Variants in ALK observed in about 807,000 individuals in gnomAD.
The protein encoded by ALK is ALK receptor tyrosine kinase.
Under a neutral mutation model 163.1 loss-of-function variants are expected in ALK, and 74 were observed. The observed-to-expected ratio is 0.45, with a 90% CI of 0.38 to 0.55. ALK has a LOEUF of 0.55. ALK is among the 20% of genes least tolerant of loss of function. The probability of loss-of-function intolerance (pLI) is 0.00; values close to 1 mark genes in which losing one functional copy is unlikely to be tolerated. For missense variants in ALK, 2,063 were observed against 2,105.3 expected, an observed-to-expected ratio of 0.98 and a Z score of 0.39; for synonymous variants, 960 against 843.2, an observed-to-expected ratio of 1.14 and a Z score of -2.40.
At chr2:29,557,026 G>T (rs551442354) in intron 3 of ALK, among the ~76,000 whole-genome samples, 1 of 152,206 alleles carries the variant, frequency 6.6e-6, no homozygotes, top group African/African-American at 2.4e-5. Context: ...GTTTCTTAAA[G>T]AAAGTGGTCT....
Position 29,806,799 on chromosome 2 carries a change from T to G in ALK, c.668-89102A>C, listed in dbSNP as rs371925646. Among the ~76,000 whole-genome samples, 7 of 152,270 alleles carry G rather than the reference T, an allele frequency of 4.6e-5. No homozygotes were observed. The East Asian group carries it at 1.4e-3, about 29-fold the overall frequency. ...ATGTACAGGCACGCATGGGGGCCATTTCTGGGTGGCAAAGACACAAGAAGC... is the reference window on the plus strand; with the variant it reads ...ATGTACAGGCACGCATGGGGGCCATGTCTGGGTGGCAAAGACACAAGAAGC... On this transcript the variant is annotated intron_variant, in intron 1 of 28. Transcript: ENST00000389048.
intron 3 of ALK, among the ~76,000 whole-genome samples, chr2:29,562,130 G>C (rs1037910532): frequency 1.3e-5 from 2 of 152,198 alleles, no homozygotes; most frequent in Non-Finnish European, 2.9e-5. Flanking sequence ...CAGACAGCCA[G>C]TTTCTGCTGG....
At chr2:29,784,713 A>AAGC (rs145281816) in intron 1 of ALK, among the ~76,000 whole-genome samples, 2 of 150,740 alleles carry the variant, frequency 1.3e-5, no homozygotes, top group Non-Finnish European at 3.0e-5. Flanking sequence ...ACAACAACAA[A>AAGC]AACAACAACA....
intron 3 of ALK, among the ~76,000 whole-genome samples, chr2:29,641,518 A>G (rs2148245901): frequency 1.3e-5 from 2 of 152,274 alleles, no homozygotes; most frequent in Middle Eastern, 6.8e-3. Context: ...ATGCAAAGTC[A>G]TTCATGCTTT....
chr2:29,637,500 G>A (rs1221894683), intron 3 of ALK, among the ~76,000 whole-genome samples: 1 of 152,052 alleles, frequency 6.6e-6, no homozygotes, highest in African/African-American at 2.4e-5. Context: ...TTTGAGGTTG[G>A]GAGTTCGAGG....
chr2:29,598,574 G>A (rs1459274549), intron 3 of ALK, among the ~76,000 whole-genome samples: 1 of 152,144 alleles, frequency 6.6e-6, no homozygotes, highest in Non-Finnish European at 1.5e-5. Flanking sequence ...AGAGAGCAAA[G>A]GGCATCAGGC....
intron 12 of ALK, 136 bp from the exon 13 acceptor site, chr2:29,239,966 G>T: frequency 1.9e-6 from 2 of 1,048,680 alleles, no homozygotes; most frequent in Non-Finnish European, 2.7e-6. Context: ...AGTCCCTGCA[G>T]AAAGGGATTC....
chr2:29,824,301 A>G (rs1435186665), intron 1 of ALK, among the ~76,000 whole-genome samples: 1 of 152,208 alleles, frequency 6.6e-6, no homozygotes, highest in African/African-American at 2.4e-5. Context: ...GGCAGAGCAG[A>G]AGAGAAATGT....
chr2:29,271,235 C>T (rs1346969816), intron 11 of ALK, among the ~76,000 whole-genome samples: 1 of 152,180 alleles, frequency 6.6e-6, no homozygotes, highest in Non-Finnish European at 1.5e-5. Flanking sequence ...GAAGGGCGTA[C>T]TTGGAACATA....
chr2:29,881,840 C>T (rs1666876188), intron 1 of ALK, among the ~76,000 whole-genome samples: 1 of 152,052 alleles, frequency 6.6e-6, no homozygotes, highest in African/African-American at 2.4e-5. Flanking sequence ...TACCTGTACT[C>T]CCCCATTTTC....
intron 4 of ALK, among the ~76,000 whole-genome samples, chr2:29,503,547 A>G (rs574058839): frequency 3.1e-4 from 47 of 152,350 alleles, no homozygotes; most frequent in African/African-American, 1.1e-3. Context: ...GCACCGTACC[A>G]TGGCACATAG....
intron 1 of ALK, among the ~76,000 whole-genome samples, chr2:29,827,422 C>T (rs1427982878): frequency 6.6e-6 from 1 of 152,224 alleles, no homozygotes; most frequent in Admixed American, 6.5e-5. Context: ...TCTAAATCCA[C>T]AGGTCTTCTC....
At position 29,193,691 on chromosome 2, in the gene ALK, G is replaced by A. The variant is rs1668945318; in HGVS notation, c.4396C>T (p.Pro1466Ser). ...PTAAEISVRVPRGPAVEGGHV... is the reference protein window; with the variant it reads ...PTAAEISVRVSRGPAVEGGHV... ...CCCCCTTCCACGGCCGGCCCTCTAGGGACTCGAACAGAGATCTCTGCAGCT... is the reference window on the plus strand; with the variant it reads ...CCCCCTTCCACGGCCGGCCCTCTAGAGACTCGAACAGAGATCTCTGCAGCT... Residue 1466 changes from proline to serine, a missense_variant, in exon 29 of 29, where the codon CCT becomes TCT. Transcript: ENST00000389048. 2 of 1,613,384 alleles carry A rather than the reference G, an allele frequency of 1.2e-6. No individual in the cohort carries two copies. Among genetic ancestry groups the A allele is most frequent in the Non-Finnish European group, 1.7e-6 (2 of 1,179,456 alleles).
intron 4 of ALK, among the ~76,000 whole-genome samples, chr2:29,445,666 C>CA (rs1358194714): frequency 6.6e-6 from 1 of 152,032 alleles, no homozygotes; most frequent in Admixed American, 6.6e-5. Context: ...ACTAAAAATA[C>CA]AAAAAATTAG....
At chr2:29,544,695 A>G (rs1673506927) in intron 3 of ALK, among the ~76,000 whole-genome samples, 1 of 151,918 alleles carries the variant, frequency 6.6e-6, no homozygotes, top group Non-Finnish European at 1.5e-5. Context: ...CTGACTTTCA[A>G]ACTGTCCTTT....
chr2:29,621,127 C>T lies in ALK; in HGVS notation c.952+73723G>A, dbSNP rs555527524. On this transcript the variant is annotated intron_variant, in intron 3 of 28. Transcript: ENST00000389048. ...GGGGAGAGATTCACAGGCAGACTTT[C>T]CAGAATACATGCATCATTCATGGCC... 2.0e-5 allele frequency among the ~76,000 whole-genome samples: 3 copies of T among 152,116 alleles called. No individual in the cohort carries two copies. In the East Asian group the frequency reaches 5.8e-4, roughly 29 times the overall value.
chr2:29,471,183 T>A (rs570371689), intron 4 of ALK, among the ~76,000 whole-genome samples: 16 of 152,206 alleles, frequency 1.1e-4, no homozygotes, highest in Non-Finnish European at 2.2e-4. Flanking sequence ...CCAGGCCAAG[T>A]TGGCTTTATC....
intron 25 of ALK, 21 bp downstream of exon 25, chr2:29,209,765 G>A (rs2148154933): frequency 1.3e-6 from 2 of 1,594,138 alleles, no homozygotes; most frequent in African/African-American, 1.3e-5. Flanking sequence ...GGCCCGGAGG[G>A]GTGAGGCAGT....
At chr2:29,779,294 G>A (rs1272564548) in intron 1 of ALK, among the ~76,000 whole-genome samples, 1 of 152,216 alleles carries the variant, frequency 6.6e-6, no homozygotes, top group African/African-American at 2.4e-5. Context: ...TGCTCCAAGA[G>A]CCTCTAGCAC....
Sources: gnomAD v4.1 joint callset for allele counts (sites outside exome capture counted in the v4.1 genomes callset) on GRCh38, gnomAD v4.1.1 for gene constraint, MANE v1.5 for transcripts, NCBI Gene and HGNC (gene_info 2026-07-23, HGNC 2026-07-21) for gene names.